GLI3: variants seen among roughly 807,000 people sequenced by gnomAD.
The protein encoded by GLI3 is transcription activator GLI3.
Under a neutral mutation model 100.8 loss-of-function variants are expected in GLI3, and 20 were observed. That is an observed-to-expected ratio of 0.20 (90% confidence interval 0.14 to 0.29). The LOEUF is 0.29. Ranked by LOEUF, GLI3 falls within the 10% of genes least tolerant of loss-of-function variation. The pLI, the probability that GLI3 is intolerant of heterozygous loss-of-function variation, is 1.00. For synonymous variants in GLI3, 938 were observed against 860.5 expected (o/e 1.09, Z -1.58); for missense variants, 2,040 against 2,128.5 (o/e 0.96, Z 0.82).
intron 2 of GLI3, among the ~76,000 whole-genome samples, chr7:42,203,692 A>G (rs1024607025): frequency 1.3e-5 from 2 of 152,108 alleles, no homozygotes; most frequent in Non-Finnish European, 2.9e-5. Flanking sequence ...GGCACTGCAG[A>G]TATCTCTTTA....
At chr7:41,969,009 A>C (rs948237630) in intron 13 of GLI3, among the ~76,000 whole-genome samples, 1 of 152,188 alleles carries the variant, frequency 6.6e-6, no homozygotes, top group African/African-American at 2.4e-5. Context: ...TCTCGCTCCC[A>C]GGGCTCCTGG....
chr7:42,136,047 G>A (rs1786420823), intron 3 of GLI3, among the ~76,000 whole-genome samples: 1 of 152,204 alleles, frequency 6.6e-6, no homozygotes, highest in African/African-American at 2.4e-5. Flanking sequence ...AGTGGACTCT[G>A]TATGGCTGGT....
At chr7:42,075,306 G>A (rs893878445) in intron 4 of GLI3, among the ~76,000 whole-genome samples, 3 of 152,096 alleles carry the variant, frequency 2.0e-5, no homozygotes, top group Non-Finnish European at 4.4e-5. Context: ...CTTAAATTAA[G>A]TACATCACAA....
intron 2 of GLI3, among the ~76,000 whole-genome samples, chr7:42,214,128 G>T (rs1191179706): frequency 6.6e-6 from 1 of 152,204 alleles, no homozygotes; most frequent in East Asian, 1.9e-4. Flanking sequence ...CAAGTAGTGA[G>T]GCTTTTCTCT....
chr7:42,190,381 A>G (rs1043659584), intron 2 of GLI3, among the ~76,000 whole-genome samples: 1 of 152,218 alleles, frequency 6.6e-6, no homozygotes, highest in African/African-American at 2.4e-5. Flanking sequence ...AATGGGGTGT[A>G]AACATAGACA....
chr7:42,056,982 CAAAAAA>C (rs11322222), intron 4 of GLI3, among the ~76,000 whole-genome samples: 1 of 102,748 alleles, frequency 9.7e-6, no homozygotes, highest in South Asian at 3.2e-4. Context: ...AACTCCGTCT[CAAAAAA>C]AAAAAAAAAA....
intron 10 of GLI3, among the ~76,000 whole-genome samples, chr7:42,009,905 C>G (rs1164998594): frequency 6.6e-6 from 1 of 152,236 alleles, no homozygotes; most frequent in African/African-American, 2.4e-5. Context: ...TCAGGACCCA[C>G]AGTAGCCCCA....
intron 10 of GLI3, among the ~76,000 whole-genome samples, chr7:42,012,905 C>G (rs980165310): frequency 2.0e-5 from 3 of 152,212 alleles, no homozygotes; most frequent in Non-Finnish European, 4.4e-5. Flanking sequence ...GGAAGACCTC[C>G]TCTTCACAAA....
At chr7:42,168,759 G>A (rs879797957) in intron 2 of GLI3, among the ~76,000 whole-genome samples, 2 of 151,640 alleles carry the variant, frequency 1.3e-5, no homozygotes, top group African/African-American at 2.4e-5. Flanking sequence ...TCTAAAAAAC[G>A]TTTTAAAAAT....
chr7:42,113,721 C>T, intron 3 of GLI3: 2 of 650,314 alleles, frequency 3.1e-6, no homozygotes, highest in Middle Eastern at 4.5e-4. Context: ...TTTTGTTTTA[C>T]TTTAAGCTAT....
intron 2 of GLI3, among the ~76,000 whole-genome samples, chr7:42,153,630 A>C (rs922113475): frequency 6.6e-6 from 1 of 152,150 alleles, no homozygotes; most frequent in African/African-American, 2.4e-5. Context: ...TTTCTAGCCA[A>C]ATGAGATTCT....
intron 2 of GLI3, among the ~76,000 whole-genome samples, chr7:42,217,113 T>C (rs980220274): frequency 1.3e-5 from 2 of 152,198 alleles, no homozygotes; most frequent in African/African-American, 2.4e-5. Flanking sequence ...AGGGTCATTT[T>C]AATCATCTAA....
chr7:41,969,931 T>C (rs749941619), intron 13 of GLI3, among the ~76,000 whole-genome samples: 2 of 152,212 alleles, frequency 1.3e-5, no homozygotes, highest in African/African-American at 2.4e-5. Flanking sequence ...TGATTTGTTA[T>C]GGAAACCTAG....
At chr7:42,244,080 C>CA (rs1272931204) in intron 1 of GLI3, among the ~76,000 whole-genome samples, 1 of 152,148 alleles carries the variant, frequency 6.6e-6, no homozygotes, top group Non-Finnish European at 1.5e-5. Context: ...GTGATCTGCC[C>CA]ACCTTGGCCT....
chr7:42,101,572 G>A (rs1164613713), intron 3 of GLI3, among the ~76,000 whole-genome samples: 6 of 151,962 alleles, frequency 3.9e-5, no homozygotes. Context: ...CACCACTGCA[G>A]TCCAGCTTGG....
At chr7:42,142,481 T>C (rs78659910) in intron 3 of GLI3, among the ~76,000 whole-genome samples, 4,915 of 152,216 alleles carry the variant, frequency 0.032, 118 homozygotes, top group Middle Eastern at 0.051. Context: ...TTTAATAAAT[T>C]TATCCTCAAA....
At chr7:42,218,599 C>T (rs147792121) in intron 2 of GLI3, among the ~76,000 whole-genome samples, 92 of 151,692 alleles carry the variant, frequency 6.1e-4, no homozygotes, top group African/African-American at 2.0e-3. Flanking sequence ...GACCATAACA[C>T]TTTCCCCTTA....
chr7:42,170,615 G>A (rs1787352353), intron 2 of GLI3, among the ~76,000 whole-genome samples: 1 of 151,814 alleles, frequency 6.6e-6, no homozygotes, highest in Admixed American at 6.6e-5. Flanking sequence ...TGTTAGCCAG[G>A]ATGGTCTCGA....
At chr7:42,212,663 A>C (rs1788293659) in intron 2 of GLI3, among the ~76,000 whole-genome samples, 1 of 152,200 alleles carries the variant, frequency 6.6e-6, no homozygotes, top group Admixed American at 6.5e-5. Flanking sequence ...AATTATAAGG[A>C]AAGGCCGAGT....
Sources: gnomAD v4.1 joint callset for allele counts (sites outside exome capture counted in the v4.1 genomes callset) on GRCh38, gnomAD v4.1.1 for gene constraint, MANE v1.5 for transcripts, NCBI Gene and HGNC (gene_info 2026-07-23, HGNC 2026-07-21) for gene names.